Variants in TMEM132D observed in about 807,000 individuals in gnomAD.
TMEM132D encodes the protein mature OL transmembrane protein.
Under a neutral mutation model 62.3 loss-of-function variants are expected in TMEM132D, and 21 were observed. The ratio of observed to expected loss-of-function variants is 0.34; its 90% confidence interval spans 0.24 to 0.49. The LOEUF is 0.49. Ranked by LOEUF, TMEM132D falls within the 20% of genes least tolerant of loss-of-function variation. The pLI is 0.99. For missense variants in TMEM132D, 1,346 were observed against 1,402.8 expected (o/e 0.96, Z 0.65); for synonymous variants, 621 against 575.6 (o/e 1.08, Z -1.13).
intron 3 of TMEM132D, among the ~76,000 whole-genome samples, chr12:129,528,245 C>T (rs963484843): frequency 3.7e-4 from 57 of 152,278 alleles, no homozygotes; most frequent in African/African-American, 1.2e-3. Flanking sequence ...CACATCTCAT[C>T]GCAGTCCATT....
intron 1 of TMEM132D, among the ~76,000 whole-genome samples, chr12:129,715,841 G>A (rs1868551573): frequency 6.6e-6 from 1 of 152,208 alleles, no homozygotes; most frequent in East Asian, 1.9e-4. Flanking sequence ...TCCAAGCCTA[G>A]GCTATGACGC....
intron 2 of TMEM132D, among the ~76,000 whole-genome samples, chr12:129,679,346 A>C (rs896104670): frequency 6.6e-6 from 1 of 152,048 alleles, no homozygotes; most frequent in African/African-American, 2.4e-5. Context: ...TTTTGTCATA[A>C]ATTATTTTTC....
intron 4 of TMEM132D, among the ~76,000 whole-genome samples, chr12:129,240,122 G>A (rs952864436): frequency 1.2e-4 from 19 of 152,204 alleles, no homozygotes; most frequent in Admixed American, 7.9e-4. Context: ...GAAAATATAC[G>A]CAAGCATAAA....
chr12:129,593,331 G>GGC (rs1878246067), intron 2 of TMEM132D, among the ~76,000 whole-genome samples: 1 of 151,880 alleles, frequency 6.6e-6, no homozygotes, highest in African/African-American at 2.4e-5. Context: ...CAAGGAAACA[G>GGC]AAGATAAAAA....
chr12:129,631,558 C>T (rs1294523397), intron 2 of TMEM132D, among the ~76,000 whole-genome samples: 1 of 152,124 alleles, frequency 6.6e-6, no homozygotes, highest in East Asian at 1.9e-4. Flanking sequence ...GATTAATTTC[C>T]TCATACACTT....
At chr12:129,831,664 T>C (rs1872836520) in intron 1 of TMEM132D, among the ~76,000 whole-genome samples, 1 of 152,292 alleles carries the variant, frequency 6.6e-6, no homozygotes, top group Middle Eastern at 3.4e-3. Context: ...CTCCTGCTTC[T>C]AGTTTCAGTA....
intron 3 of TMEM132D, among the ~76,000 whole-genome samples, chr12:129,374,267 A>G (rs1870712651): frequency 2.8e-5 from 1 of 36,270 alleles, no homozygotes; most frequent in East Asian, 4.9e-4. Flanking sequence ...AACCTCACAC[A>G]TCAGAGAGAG....
intron 4 of TMEM132D, among the ~76,000 whole-genome samples, chr12:129,215,333 T>TGGAGGTTG (rs1224090010): frequency 1.3e-5 from 2 of 151,944 alleles, no homozygotes; most frequent in Non-Finnish European, 2.9e-5. Flanking sequence ...TATGTGAGGG[T>TGGAGGTTG]GGAGGTTGGG....
chr12:129,667,433 C>T (rs1379366059), intron 2 of TMEM132D, among the ~76,000 whole-genome samples: 1 of 152,092 alleles, frequency 6.6e-6, no homozygotes, highest in African/African-American at 2.4e-5. Flanking sequence ...CAGTTGGCCT[C>T]ATGCTATCTT....
chr12:129,452,052 G>A (rs750205532), intron 3 of TMEM132D, among the ~76,000 whole-genome samples: 15 of 152,252 alleles, frequency 9.9e-5, no homozygotes, highest in African/African-American at 2.2e-4. Flanking sequence ...TTAAAGAGAC[G>A]AAATGCTATT....
intron 1 of TMEM132D, among the ~76,000 whole-genome samples, chr12:129,809,046 G>A (rs563580525): frequency 3.9e-5 from 6 of 152,142 alleles, no homozygotes; most frequent in Non-Finnish European, 8.8e-5. Context: ...AGTGGCTCAC[G>A]CCTGTAATCC....
At chr12:129,227,337 G>A (rs1018457003) in intron 4 of TMEM132D, among the ~76,000 whole-genome samples, 3 of 86,406 alleles carry the variant, frequency 3.5e-5, no homozygotes, top group South Asian at 4.4e-4. Context: ...GGCGCAAGTC[G>A]GAGTTTTTCC....
intron 5 of TMEM132D, among the ~76,000 whole-genome samples, chr12:129,106,710 G>T (rs1875512265): frequency 1.3e-5 from 2 of 152,158 alleles, no homozygotes; most frequent in South Asian, 4.1e-4. Flanking sequence ...GTGTGGTATG[G>T]TCGTGTGGCG....
chr12:129,537,956 C>G (rs1876450539), intron 2 of TMEM132D, among the ~76,000 whole-genome samples: 1 of 152,086 alleles, frequency 6.6e-6, no homozygotes, highest in African/African-American at 2.4e-5. Flanking sequence ...CTGCAGAGTC[C>G]TGGCCTCATC....
chr12:129,186,351 C>T (rs542887883), intron 5 of TMEM132D, among the ~76,000 whole-genome samples: 1 of 152,348 alleles, frequency 6.6e-6, no homozygotes, highest in South Asian at 2.1e-4. Flanking sequence ...TCTGCTGATG[C>T]AAGGACTCTG....
chr12:129,526,536 G>A (rs1468380109), intron 3 of TMEM132D, among the ~76,000 whole-genome samples: 1 of 152,138 alleles, frequency 6.6e-6, no homozygotes, highest in East Asian at 1.9e-4. Context: ...ACCCACCTCA[G>A]CCTCCCAAAG....
At chr12:129,436,792 C>T (rs540590310) in intron 3 of TMEM132D, among the ~76,000 whole-genome samples, 4 of 151,932 alleles carry the variant, frequency 2.6e-5, no homozygotes, top group Admixed American at 6.6e-5. Context: ...ACATGTATAC[C>T]GACATAAAAA....
At position 129,622,627 on chromosome 12, in the gene TMEM132D, G is replaced by T. The variant is rs969432571; in HGVS notation, c.968+77183C>A. 3.3e-5 allele frequency among the ~76,000 whole-genome samples: 5 copies of T among 152,258 alleles called. No individual in the cohort carries two copies. In the South Asian group the frequency reaches 8.3e-4, roughly 25 times the overall value. On this transcript the variant is annotated intron_variant, in intron 2 of 8. Coordinates refer to ENST00000422113, the MANE Select transcript of TMEM132D (RefSeq NM_133448.3). Reference sequence around the variant, plus strand: ...CCCTCTGCTCTGAACTCTACTATATGGTGTTATACAAGCCGGAGCTCTTTT... The same window carrying T: ...CCCTCTGCTCTGAACTCTACTATATTGTGTTATACAAGCCGGAGCTCTTTT...
At chr12:129,664,955 T>TATAAAAA (rs1339760991) in intron 2 of TMEM132D, among the ~76,000 whole-genome samples, 6 of 152,172 alleles carry the variant, frequency 3.9e-5, no homozygotes. Flanking sequence ...ATGTAAATGC[T>TATAAAAA]ATTATCCCTA....
Sources: gnomAD v4.1 joint callset for allele counts (sites outside exome capture counted in the v4.1 genomes callset) on GRCh38, gnomAD v4.1.1 for gene constraint, MANE v1.5 for transcripts, NCBI Gene and HGNC (gene_info 2026-07-23, HGNC 2026-07-21) for gene names.